The following TEAD4 variants were observed in gnomAD, a reference collection of about 807,000 sequenced individuals.
The protein encoded by TEAD4 is TEA domain transcription factor 4.
Under a neutral mutation model 52.4 loss-of-function variants are expected in TEAD4, and 36 were observed. The observed-to-expected ratio is 0.69, with a 90% CI of 0.53 to 0.91. TEAD4 has a LOEUF of 0.91. TEAD4 is among the 40% of genes least tolerant of loss of function. TEAD4 has a pLI of 0.00. For missense variants in TEAD4, 508 were observed against 583.9 expected (o/e 0.87, Z 1.34); for synonymous variants, 220 against 231.0 (o/e 0.95, Z 0.43).
intron 3 of TEAD4, among the ~76,000 whole-genome samples, chr12:2,995,841 G>T (rs11062447): frequency 0.13 from 19,428 of 151,768 alleles, 1,410 homozygotes; most frequent in Admixed American, 0.23. Context: ...ACACCATCTG[G>T]AGTAAAAATA....
intron 2 of TEAD4, among the ~76,000 whole-genome samples, chr12:2,979,745 G>T (rs935095687): frequency 7.9e-5 from 12 of 152,172 alleles, no homozygotes; most frequent in African/African-American, 2.7e-4. Context: ...AATCCATTCA[G>T]CAAGGCCCAA....
chr12:3,017,340 C>A, intron 5 of TEAD4, 58 bp from the exon 6 acceptor site: 2 of 1,610,440 alleles, frequency 1.2e-6, no homozygotes, highest in Non-Finnish European at 1.7e-6. Flanking sequence ...CCGGACCTGC[C>A]TGGCCTCAGC....
chr12:3,036,916 A>C (rs1424820235), intron 10 of TEAD4, among the ~76,000 whole-genome samples: 1 of 152,164 alleles, frequency 6.6e-6, no homozygotes, highest in African/African-American at 2.4e-5. Flanking sequence ...TGGAGGCTGA[A>C]GACCTGGGGT....
At chr12:3,011,235 C>CTTT (rs368082304) in intron 4 of TEAD4, among the ~76,000 whole-genome samples, 167 bp downstream of exon 4, 9 of 151,944 alleles carry the variant, frequency 5.9e-5, no homozygotes, top group African/African-American at 1.9e-4. Flanking sequence ...TTTTCTTTTT[C>CTTT]TTTCTTTTTT....
chr12:3,028,174 C>T (rs2098273213), intron 10 of TEAD4, among the ~76,000 whole-genome samples: 1 of 152,156 alleles, frequency 6.6e-6, no homozygotes, highest in Non-Finnish European at 1.5e-5. Flanking sequence ...CTTTTTATGG[C>T]CAAATGTACG....
chr12:2,979,833 G>A (rs553020716), intron 2 of TEAD4, among the ~76,000 whole-genome samples: 3 of 152,142 alleles, frequency 2.0e-5, no homozygotes, highest in East Asian at 3.9e-4. Context: ...TGAGGGGCAC[G>A]TTCATACCAG....
intron 3 of TEAD4, among the ~76,000 whole-genome samples, chr12:3,008,840 C>A (rs1196259680): frequency 6.6e-6 from 1 of 152,126 alleles, no homozygotes; most frequent in Admixed American, 6.5e-5. Context: ...AAGGGACGGG[C>A]CAGAGGAGCA....
intron 3 of TEAD4, among the ~76,000 whole-genome samples, chr12:3,000,391 G>C (rs904193319): frequency 6.6e-6 from 1 of 152,178 alleles, no homozygotes; most frequent in Non-Finnish European, 1.5e-5. Context: ...CTTCGTGCTG[G>C]AGGGAACTCT....
chr12:2,971,166 C>G (rs2098224664), intron 2 of TEAD4, among the ~76,000 whole-genome samples: 1 of 152,194 alleles, frequency 6.6e-6, no homozygotes, highest in Non-Finnish European at 1.5e-5. Context: ...GACTGTGAAG[C>G]TAGCAGTAAC....
At chr12:2,971,071 C>T (rs1481666668) in intron 2 of TEAD4, among the ~76,000 whole-genome samples, 2 of 152,248 alleles carry the variant, frequency 1.3e-5, no homozygotes, top group African/African-American at 2.4e-5. Flanking sequence ...ACAGCACCCA[C>T]GGTGTGCCCG....
At chr12:2,996,469 G>A (rs1029333785) in intron 3 of TEAD4, among the ~76,000 whole-genome samples, 1 of 151,190 alleles carries the variant, frequency 6.6e-6, no homozygotes, top group African/African-American at 2.4e-5. Context: ...AGTGCAATGG[G>A]CGCAATCTCA....
Position 3,017,505 on chromosome 12 carries a change from C to T in TEAD4, c.462C>T (p.Pro154=), listed in dbSNP as rs2302279. Residue 154 remains proline (P), a synonymous_variant, in exon 6 of 13, where the codon CCC becomes CCT. Transcript: ENST00000359864. ...GTAGCATGGCCCTCGCCCGGGGCCC[C>T]GGCCGCCCAGCAGTCTCAGGGGTAA... is the stretch of plus-strand genomic sequence containing the variant. 674 of 1,613,752 alleles carry T rather than the reference C, an allele frequency of 4.2e-4. 5 individuals carry two copies. The East Asian group carries it at 0.012, about 30-fold the overall frequency.
At chr12:2,980,729 T>C (rs939933291) in intron 2 of TEAD4, among the ~76,000 whole-genome samples, 1 of 147,810 alleles carries the variant, frequency 6.8e-6, no homozygotes, top group African/African-American at 2.5e-5. Context: ...CAAGACTCTG[T>C]CTCAATTAAA....
intron 10 of TEAD4, among the ~76,000 whole-genome samples, chr12:3,029,339 G>A (rs1251326725): frequency 3.4e-5 from 5 of 147,560 alleles, no homozygotes; most frequent in Non-Finnish European, 7.4e-5. Flanking sequence ...CCGGGTTCAC[G>A]CCATTCTTGT....
At chr12:3,007,842 A>T (rs2098257167) in intron 3 of TEAD4, among the ~76,000 whole-genome samples, 1 of 152,260 alleles carries the variant, frequency 6.6e-6, no homozygotes, top group African/African-American at 2.4e-5. Flanking sequence ...AGACCAGGAT[A>T]GGACAGCGCC....
At chr12:3,036,424 G>C (rs902326981) in intron 10 of TEAD4, among the ~76,000 whole-genome samples, 2 of 152,196 alleles carry the variant, frequency 1.3e-5, no homozygotes, top group African/African-American at 4.8e-5. Flanking sequence ...CTCCAAAGGA[G>C]AGAAAAATAA....
intron 2 of TEAD4, among the ~76,000 whole-genome samples, chr12:2,982,028 G>A (rs2098234430): frequency 6.6e-6 from 1 of 152,114 alleles, no homozygotes. Context: ...CTGAAAGGAG[G>A]GCTCTGGGAG....
chr12:3,011,656 G>C, intron 4 of TEAD4, among the ~76,000 whole-genome samples: 1 of 151,972 alleles, frequency 6.6e-6, no homozygotes, highest in Non-Finnish European at 1.5e-5. Flanking sequence ...GTAAAACATT[G>C]GCACTACTTT....
At chr12:3,035,874 G>T (rs542341363) in intron 10 of TEAD4, among the ~76,000 whole-genome samples, 2 of 151,714 alleles carry the variant, frequency 1.3e-5, no homozygotes, top group Non-Finnish European at 2.9e-5. Context: ...CGAAAGCCTG[G>T]GTTCTGGTCC....
Sources: gnomAD v4.1 joint callset for allele counts (sites outside exome capture counted in the v4.1 genomes callset) on GRCh38, gnomAD v4.1.1 for gene constraint, MANE v1.5 for transcripts, NCBI Gene and HGNC (gene_info 2026-07-23, HGNC 2026-07-21) for gene names.